Variants in SRPK1 observed in about 807,000 individuals in gnomAD.
SRPK1 encodes SRSF protein kinase 1.
SRPK1 carries 52 observed loss-of-function variants against 89.5 expected under a neutral mutation model. That is an observed-to-expected ratio of 0.58 (90% CI 0.46 to 0.73). SRPK1 has a LOEUF of 0.73. Ranked by LOEUF, SRPK1 falls within the 30% of genes least tolerant of loss-of-function variation. The pLI is 0.00. For missense variants in SRPK1, 603 were observed against 780.6 expected, an observed-to-expected ratio of 0.77 and a Z score of 2.71; for synonymous variants, 255 against 270.2, an observed-to-expected ratio of 0.94 and a Z score of 0.55.
At chr6:35,849,749 G>A (rs1362809553) in intron 13 of SRPK1, among the ~76,000 whole-genome samples, 1 of 152,160 alleles carries the variant, frequency 6.6e-6, no homozygotes, top group African/African-American at 2.4e-5. Flanking sequence ...GATTTGAAAT[G>A]TTCAGCCAGT....
chr6:35,870,044 G>A (rs565462821), intron 10 of SRPK1, 143 bp from the exon 11 acceptor site: 17 of 1,059,384 alleles, frequency 1.6e-5, no homozygotes, highest in Admixed American at 1.2e-4. Flanking sequence ...ACCTATTTCC[G>A]GAAGGGCCAA....
chr6:35,860,028 T>A (rs1769747750), intron 12 of SRPK1, among the ~76,000 whole-genome samples: 1 of 147,276 alleles, frequency 6.8e-6, no homozygotes, highest in Non-Finnish European at 1.5e-5. Context: ...CTGGCTAATA[T>A]TTTTTTTTTG....
Position 35,833,225 on chromosome 6 carries a change from T to C in SRPK1, c.*2079A>G, listed in dbSNP as rs1769099815. 6.6e-6 allele frequency: 1 copy of C among 152,626 alleles called. No homozygotes were observed. Among genetic ancestry groups the C allele is most frequent in the African/African-American group, 2.4e-5 (1 of 41,452 alleles). 9.5% of individuals were successfully genotyped at this position (152,626 alleles called of 1,614,324 possible). ...AAAGGTACATGGGGTACCTGGAAGA[T>C]CAAGATCTACAGCTGCCTATTTCCA... On this transcript the variant is annotated 3_prime_UTR_variant, in exon 16 of 16. Transcript: ENST00000373825.
chr6:35,912,917 G>C (rs1771002484), intron 2 of SRPK1, among the ~76,000 whole-genome samples: 1 of 152,182 alleles, frequency 6.6e-6, no homozygotes, highest in African/African-American at 2.4e-5. Context: ...CTGAGTAGCT[G>C]GGACTACAGG....
chr6:35,841,466 T>C (rs1047338287), intron 14 of SRPK1, among the ~76,000 whole-genome samples: 6 of 152,040 alleles, frequency 3.9e-5, no homozygotes, highest in African/African-American at 1.2e-4. Context: ...ATTGGGAGGG[T>C]AGATGCTGTA....
At chr6:35,863,442 G>GACCC (rs1478094472) in intron 12 of SRPK1, among the ~76,000 whole-genome samples, 1 of 141,810 alleles carries the variant, frequency 7.1e-6, no homozygotes, top group Non-Finnish European at 1.5e-5. Flanking sequence ...GGGCAACAGA[G>GACCC]ACCCTGTTTC....
intron 12 of SRPK1, among the ~76,000 whole-genome samples, chr6:35,859,115 T>C (rs1769723316): frequency 6.6e-6 from 1 of 152,182 alleles, no homozygotes; most frequent in Admixed American, 6.5e-5. Flanking sequence ...CTCAATGATA[T>C]AAACATGGTA....
intron 4 of SRPK1, 120 bp downstream of exon 4, chr6:35,888,695 A>C: frequency 1.4e-6 from 1 of 693,828 alleles, no homozygotes; most frequent in Non-Finnish European, 2.5e-6. Flanking sequence ...TGCCAACAAC[A>C]AAATTCTGAT....
At chr6:35,920,107 A>T in intron 2 of SRPK1, 1 of 470,854 alleles carries the variant, frequency 2.1e-6, no homozygotes, top group South Asian at 1.5e-5. Context: ...GGGAGCAGGT[A>T]AGAGAGACCA....
In SRPK1 at chr6:35,869,773, A is replaced by G. The variant is rs1165625930; in HGVS notation, c.1120T>C (p.Leu374=). 8.1e-6 allele frequency: 13 copies of G among 1,613,754 alleles called. No individual in the cohort carries two copies. The highest frequency in any genetic ancestry group is 4.5e-5 in the East Asian group (2 of 44,892). ...TTATGTAGATCCTCTTTATGTCTCA[A>G]TGTTTCATTATTACTGTTCTGAGTA... The part of the protein sequence containing the change: ...NYTQNSNNET[L]RHKEDLHNAN... The change falls in exon 11 of 16, where the codon TTG becomes CTG. Residue 374 remains leucine (L), a synonymous_variant. Coordinates refer to ENST00000373825, the MANE Select transcript of SRPK1 (RefSeq NM_003137.5).
intron 8 of SRPK1, among the ~76,000 whole-genome samples, chr6:35,872,272 T>C (rs1399918065): frequency 2.6e-5 from 4 of 152,202 alleles, no homozygotes; most frequent in Admixed American, 6.5e-5. Flanking sequence ...TAAATGAGCA[T>C]GTGTGATCAC....
intron 3 of SRPK1, among the ~76,000 whole-genome samples, chr6:35,889,676 C>T (rs1050553186): frequency 5.3e-5 from 8 of 151,942 alleles, no homozygotes; most frequent in Non-Finnish European, 1.2e-4. Context: ...CCCAGCTACT[C>T]GGGAGGCTGA....
At chr6:35,906,154 GA>G (rs966487723) in intron 2 of SRPK1, among the ~76,000 whole-genome samples, 8 of 151,440 alleles carry the variant, frequency 5.3e-5, no homozygotes, top group East Asian at 1.9e-4. Flanking sequence ...GAGATACCAT[GA>G]AAAAAAACTC....
chr6:35,851,179 A>AT (rs11368828), intron 13 of SRPK1, among the ~76,000 whole-genome samples: 46,964 of 148,608 alleles, frequency 0.32, 7,508 homozygotes, highest in South Asian at 0.42. Flanking sequence ...TTGGTATTGG[A>AT]TTTTTTTTTT....
chr6:35,871,260 G>C (rs1326068258), intron 8 of SRPK1, among the ~76,000 whole-genome samples: 1 of 152,040 alleles, frequency 6.6e-6, no homozygotes, highest in African/African-American at 2.4e-5. Flanking sequence ...AAATAGAATG[G>C]GACAAGCAAC....
chr6:35,885,294 CACACAGAGAGAGAG>C (rs1770382486), intron 6 of SRPK1, among the ~76,000 whole-genome samples: 7 of 131,190 alleles, frequency 5.3e-5, no homozygotes, highest in African/African-American at 2.0e-4. Context: ...CACACACACA[CACACAGAGAGAGAG>C]AGAGAGAGAG....
At chr6:35,882,118 CTAGTAG>C (rs59881690) in intron 6 of SRPK1, among the ~76,000 whole-genome samples, 7,074 of 139,826 alleles carry the variant, frequency 0.051, 205 homozygotes, top group African/African-American at 0.083. Context: ...AGTAGTAGTA[CTAGTAG>C]TAGTAGTAGT....
At chr6:35,860,745 T>C (rs1359207704) in intron 12 of SRPK1, among the ~76,000 whole-genome samples, 2 of 152,008 alleles carry the variant, frequency 1.3e-5, no homozygotes, top group African/African-American at 4.8e-5. Context: ...GTGTTAAGTG[T>C]TGTGGAGAAA....
intron 2 of SRPK1, among the ~76,000 whole-genome samples, chr6:35,900,130 G>A (rs2127262900): frequency 6.6e-6 from 1 of 152,310 alleles, no homozygotes; most frequent in African/African-American, 2.4e-5. Flanking sequence ...TTACAGCAAA[G>A]GTCTCTGGAG....
Sources: gnomAD v4.1 joint callset for allele counts (sites outside exome capture counted in the v4.1 genomes callset) on GRCh38, gnomAD v4.1.1 for gene constraint, MANE v1.5 for transcripts, NCBI Gene and HGNC (gene_info 2026-07-23, HGNC 2026-07-21) for gene names.